The following SPO11 variants were observed in gnomAD, a reference collection of about 807,000 sequenced individuals.
SPO11 encodes meiotic recombination protein SPO11.
A neutral mutation model predicts 51.6 loss-of-function variants in SPO11; 49 were observed. That is an observed-to-expected ratio of 0.95 (90% confidence interval 0.75 to 1.20). SPO11 has a LOEUF of 1.20. Among genes scored for constraint, SPO11 ranks in the 50% most tolerant of loss-of-function variants. The pLI is 0.00. For missense variants in SPO11, 431 were observed against 473.4 expected (o/e 0.91, Z 0.83); for synonymous variants, 176 against 158.2 (o/e 1.11, Z -0.84).
chr20:57,339,068 A>G (rs369636272), intron 10 of SPO11, 42 bp downstream of exon 10: 3 of 1,308,682 alleles, frequency 2.3e-6, no homozygotes, highest in Non-Finnish European at 3.2e-6. Flanking sequence ...TTATTTAGAC[A>G]TTTTATATTC....
intron 11 of SPO11, among the ~76,000 whole-genome samples, chr20:57,341,102 A>G (rs188498297): frequency 2.6e-5 from 4 of 152,328 alleles, no homozygotes; most frequent in Admixed American, 2.6e-4. Flanking sequence ...ACACAACAAA[A>G]TAATGTGATC....
At chr20:57,333,641 G>A (rs764155602) in intron 3 of SPO11, 46 bp from the exon 4 acceptor site, 4 of 1,009,070 alleles carry the variant, frequency 4.0e-6, no homozygotes, top group South Asian at 2.8e-5. Flanking sequence ...TTTTGAATCA[G>A]TAAGAGAAAT....
At chr20:57,330,479 A>G (rs1449720047) in intron 1 of SPO11, among the ~76,000 whole-genome samples, 2 of 152,124 alleles carry the variant, frequency 1.3e-5, no homozygotes, top group Non-Finnish European at 2.9e-5. Context: ...AAGGACATCA[A>G]CACATTTTAA....
At chr20:57,342,443 C>G (rs760484642) in intron 11 of SPO11, among the ~76,000 whole-genome samples, 2 of 152,162 alleles carry the variant, frequency 1.3e-5, no homozygotes, top group South Asian at 4.1e-4. Flanking sequence ...GTTTAATAAC[C>G]AATATCAGTC....
intron 10 of SPO11, among the ~76,000 whole-genome samples, chr20:57,339,562 AG>A (rs1472647926): frequency 1.3e-5 from 2 of 152,148 alleles, no homozygotes; most frequent in African/African-American, 2.4e-5. Flanking sequence ...CAAAATCTCT[AG>A]GGGTGGGATC....
intron 1 of SPO11, among the ~76,000 whole-genome samples, chr20:57,331,202 A>G (rs2066444905): frequency 6.6e-6 from 1 of 152,356 alleles, no homozygotes. Flanking sequence ...ATTTTGCTGT[A>G]GAGTGGCGTA....
chr20:57,340,154 G>A lies in SPO11; in HGVS notation c.935G>A (p.Gly312Asp). 1.2e-6 allele frequency: 2 copies of A among 1,611,160 alleles called. No individual in the cohort carries two copies. The highest frequency in any genetic ancestry group is 1.7e-6 in the Non-Finnish European group (2 of 1,177,428). The change falls in exon 11 of 13, where the codon GGT becomes GAT. Residue 312 changes from glycine to aspartate, a missense_variant. This residue lies in a region of SPO11 where 405 missense variants were observed against 425.9 expected (regional missense o/e 0.95). Transcript: ENST00000371263. ...ACAGTTCCAGCTATTAGATGGCTTG[G>A]TCTTCTCCCTTCTGATCTTAAAAGG... is the stretch of plus-strand genomic sequence containing the variant. The part of the protein sequence containing the change: ...HLTVPAIRWL[G>D]LLPSDLKRLN...
rs1312301390 is a variant in SPO11 at position 57,335,430 on chromosome 20, G to A, written c.609G>A (p.Val203=). Residue 203 remains valine (V), a synonymous_variant, in exon 7 of 13, where the codon GTG becomes GTA. Coordinates refer to ENST00000371263, the MANE Select transcript of SPO11 (RefSeq NM_012444.3). ...NCTCGATAVA[V]PSNIQGIRNL... Reference sequence around the variant, plus strand: ...TTTTTTTTTAAAAGGCTGTTGCTGTGCCATCGAATATTCAAGGAATTCGGA... The same window carrying A: ...TTTTTTTTTAAAAGGCTGTTGCTGTACCATCGAATATTCAAGGAATTCGGA... 1 of 1,609,990 alleles carries A rather than the reference G, an allele frequency of 6.2e-7. No homozygotes were observed. Among genetic ancestry groups the A allele is most frequent in the Non-Finnish European group, 8.5e-7 (1 of 1,178,738 alleles).
At chr20:57,332,144 G>A (rs1397443721) in intron 2 of SPO11, among the ~76,000 whole-genome samples, 198 bp downstream of exon 2, 1 of 152,144 alleles carries the variant, frequency 6.6e-6, no homozygotes, top group African/African-American at 2.4e-5. Flanking sequence ...TGAGGCAAAG[G>A]AAAACAATGC....
At chr20:57,334,977 T>C in intron 6 of SPO11, 141 bp downstream of exon 6, 1 of 640,720 alleles carries the variant, frequency 1.6e-6, no homozygotes. Flanking sequence ...AGGAATATGC[T>C]TTACAGAACT....
intron 2 of SPO11, among the ~76,000 whole-genome samples, chr20:57,332,561 CCTT>C (rs145615340): frequency 1.5e-3 from 227 of 152,218 alleles, no homozygotes; most frequent in African/African-American, 5.2e-3. Context: ...TTTTGAGTCT[CCTT>C]CATCACTGTT....
chr20:57,336,140 A>G (rs1297295469), intron 8 of SPO11, among the ~76,000 whole-genome samples: 1 of 152,144 alleles, frequency 6.6e-6, no homozygotes, highest in Non-Finnish European at 1.5e-5. Context: ...CCCAGGCCGA[A>G]GTACCATGGC....
In SPO11 at chr20:57,334,110, A is replaced by G. The variant is rs1389807087; in HGVS notation, c.510+15A>G. 1 of 1,231,740 alleles carries G rather than the reference A, an allele frequency of 8.1e-7. No individual in the cohort carries two copies. Among genetic ancestry groups the G allele is most frequent in the Admixed American group, 2.3e-5 (1 of 43,968 alleles). 76.3% of individuals were successfully genotyped at this position (1,231,740 alleles called of 1,614,324 possible). Reference sequence around the variant, plus strand: ...GTCTACATATAGTAAGTAGTACCTAATACAAAACATTTTATTTTAAAACAA... The same window carrying G: ...GTCTACATATAGTAAGTAGTACCTAGTACAAAACATTTTATTTTAAAACAA... On this transcript the variant is annotated intron_variant, in intron 5 of 12. Coordinates refer to ENST00000371263, the MANE Select transcript of SPO11 (RefSeq NM_012444.3).
intron 4 of SPO11, 47 bp from the exon 5 acceptor site, chr20:57,333,940 C>T (rs2066479595): frequency 8.5e-7 from 1 of 1,177,342 alleles, no homozygotes; most frequent in East Asian, 2.6e-5. Flanking sequence ...TTGTCATATT[C>T]AAAAAGAATA....
intron 11 of SPO11, 36 bp downstream of exon 11, chr20:57,340,214 G>T (rs1436842019): frequency 7.3e-7 from 1 of 1,369,102 alleles, no homozygotes; most frequent in Admixed American, 1.7e-5. Flanking sequence ...TATTTAAAAT[G>T]ACAGTTCATT....
Position 57,334,745 on chromosome 20 carries a change from T to G in SPO11, c.511-5T>G, listed in dbSNP as rs1281818992. ...GGTTTCAAATATGTCTATTATTTTT[T>G]GCAGTTATCTACATCAAAAGGTTTA... On this transcript the variant is annotated splice_polypyrimidine_tract_variant and splice_region_variant and intron_variant, in intron 5 of 12. Coordinates refer to ENST00000371263, the MANE Select transcript of SPO11 (RefSeq NM_012444.3). 3 of 1,612,068 alleles carry G rather than the reference T, an allele frequency of 1.9e-6. No homozygotes were observed. The highest frequency in any genetic ancestry group is 2.5e-6 in the Non-Finnish European group (3 of 1,178,618).
intron 1 of SPO11, among the ~76,000 whole-genome samples, chr20:57,330,241 A>G (rs1476869239): frequency 6.6e-6 from 1 of 152,168 alleles, no homozygotes; most frequent in African/African-American, 2.4e-5. Context: ...CCCCTTCTAG[A>G]ACGTTCCAGA....
At chr20:57,339,506 G>A (rs2066553730) in intron 10 of SPO11, among the ~76,000 whole-genome samples, 1 of 152,166 alleles carries the variant, frequency 6.6e-6, no homozygotes, top group African/African-American at 2.4e-5. Flanking sequence ...TCATCTGGAA[G>A]ATTCTTAGAA....
intron 6 of SPO11, 149 bp from the exon 7 acceptor site, chr20:57,335,270 G>T (rs1321180262): frequency 4.6e-6 from 3 of 653,734 alleles, no homozygotes; most frequent in African/African-American, 1.9e-5. Flanking sequence ...TTACTGAGGG[G>T]TAAAGCTGTT....
Sources: gnomAD v4.1 joint callset for allele counts (sites outside exome capture counted in the v4.1 genomes callset) on GRCh38, gnomAD v4.1.1 for gene constraint, gnomAD v4.1.1 regional missense constraint, MANE v1.5 for transcripts, NCBI Gene and HGNC (gene_info 2026-07-23, HGNC 2026-07-21) for gene names.